Variants in AHCTF1 observed in about 807,000 individuals in gnomAD.
AHCTF1 encodes protein ELYS.
Under a neutral mutation model 248.4 loss-of-function variants are expected in AHCTF1, and 24 were observed. The ratio of observed to expected loss-of-function variants is 0.10; its 90% CI spans 0.07 to 0.14. The LOEUF is 0.14. Ranked by LOEUF, AHCTF1 falls within the 10% of genes least tolerant of loss-of-function variation. The pLI, the probability that AHCTF1 is intolerant of heterozygous loss-of-function variation, is 1.00. For missense variants in AHCTF1, 2,206 were observed against 2,636.2 expected (o/e 0.84, Z 3.57); for synonymous variants, 786 against 929.8 (o/e 0.85, Z 2.81).
chr1:246,899,117 C>CTT, intron 11 of AHCTF1, among the ~76,000 whole-genome samples: 1 of 148,192 alleles, frequency 6.7e-6, no homozygotes. Context: ...TTTCAAAATT[C>CTT]TTTTTTTTTT....
chr1:246,892,649 T>A (rs890416836), intron 14 of AHCTF1, among the ~76,000 whole-genome samples: 1 of 151,842 alleles, frequency 6.6e-6, no homozygotes, highest in Non-Finnish European at 1.5e-5. Flanking sequence ...ATACTTTTTT[T>A]GAGATAGGGT....
At chr1:246,911,713 AC>A (rs1370104364) in intron 4 of AHCTF1, among the ~76,000 whole-genome samples, 1 of 151,990 alleles carries the variant, frequency 6.6e-6, no homozygotes, top group Non-Finnish European at 1.5e-5. Context: ...CAAACTCCCG[AC>A]CTCAAGTGAT....
chr1:246,861,202 T>A lies in AHCTF1; in HGVS notation c.3829A>T (p.Thr1277Ser), dbSNP rs771665956. 1 of 1,613,562 alleles carries A rather than the reference T, an allele frequency of 6.2e-7. No individual in the cohort carries two copies. The highest frequency in any genetic ancestry group is 1.3e-5 in the African/African-American group (1 of 74,932). Residue 1277 changes from threonine to serine, a missense_variant, in exon 29 of 36, where the codon ACA becomes TCA. Physicochemically the swap from Thr to Ser is moderately conservative, Grantham distance 58 (BLOSUM62 1). Transcript: ENST00000648844. The stretch of plus-strand genomic sequence containing the variant: ...TCAGGGCTGTTCAGGAAAAAAGATG[T>A]GGTCCTATCTTTGCTCTTCAGCCAT... The part of the protein sequence containing the change: ...TEWLKSKDRT[T>S]SFFLNSPEKE...
chr1:246,900,514 A>G (rs1246910211), intron 8 of AHCTF1, 45 bp from the exon 9 acceptor site: 1 of 1,551,386 alleles, frequency 6.4e-7, no homozygotes, highest in East Asian at 2.3e-5. Context: ...AAGAATCTCA[A>G]AGTAAAATCA....
chr1:246,931,661 G>C lies in AHCTF1; in HGVS notation c.-91C>G, dbSNP rs999357865. On this transcript the variant is annotated 5_prime_UTR_variant, in exon 1 of 36. Transcript: ENST00000648844. ...GCGCGAGCTCCTCCCGTGCGGGTCCGTCACAGCATCTCCCGGGAGACGTGG... is the reference window on the plus strand; with the variant it reads ...GCGCGAGCTCCTCCCGTGCGGGTCCCTCACAGCATCTCCCGGGAGACGTGG... 6.6e-6 allele frequency: 1 copy of C among 152,622 alleles called. No individual in the cohort carries two copies. Among genetic ancestry groups the C allele is most frequent in the African/African-American group, 2.4e-5 (1 of 41,404 alleles). 9.5% of individuals were successfully genotyped at this position (152,622 alleles called of 1,614,324 possible). A position where few individuals can be genotyped will look rare whatever the true frequency, so the allele number is the denominator to read the frequency against.
In AHCTF1 at chr1:246,877,212, C is replaced by T; in HGVS notation, c.2751G>A (p.Gln917=). The stretch of plus-strand genomic sequence containing the variant: ...GTAAATCTTCCATCAAGCCCATTTC[C>T]TGACAGACTTCATACATGTGCTTCA... ...ELLKHMYEVC[Q]EMGLMEDLLK... The change falls in exon 22 of 36, where the codon CAG becomes CAA. Residue 917 remains glutamine, a synonymous_variant. Transcript: ENST00000648844. 1 of 1,613,480 alleles carries T rather than the reference C, an allele frequency of 6.2e-7. No homozygotes were observed. The highest frequency in any genetic ancestry group is 8.5e-7 in the Non-Finnish European group (1 of 1,179,892).
chr1:246,916,077 C>A, intron 3 of AHCTF1, 65 bp downstream of exon 3: 1 of 1,540,426 alleles, frequency 6.5e-7, no homozygotes. Context: ...AAGTAACACA[C>A]CTATATAACC....
chr1:246,930,428 T>G (rs548590031), intron 1 of AHCTF1, among the ~76,000 whole-genome samples: 1 of 152,184 alleles, frequency 6.6e-6, no homozygotes, highest in Non-Finnish European at 1.5e-5. Flanking sequence ...AGAGACAACG[T>G]AGACTTCCCA....
chr1:246,847,451 G>GAA (rs1660363440), intron 33 of AHCTF1, among the ~76,000 whole-genome samples: 2 of 152,070 alleles, frequency 1.3e-5, no homozygotes, highest in African/African-American at 4.8e-5. Context: ...TGATTCTTTC[G>GAA]ATGGCTGGAT....
chr1:246,875,920 A>T, intron 24 of AHCTF1, 117 bp downstream of exon 24: 1 of 947,640 alleles, frequency 1.1e-6, no homozygotes, highest in Non-Finnish European at 1.5e-6. Flanking sequence ...CAATATCTCC[A>T]AGGCATGCCT....
chr1:246,840,756 C>G lies in AHCTF1; in HGVS notation c.*50G>C, dbSNP rs530145691. 10 of 1,359,164 alleles carry G rather than the reference C, an allele frequency of 7.4e-6. No individual in the cohort carries two copies. Among genetic ancestry groups the G allele is most frequent in the Non-Finnish European group, 8.0e-6 (8 of 996,872 alleles). The allele number at this position is 1,359,164 out of a possible 1,614,324, so 84.2% of individuals were successfully genotyped here. ...CAAACTAGATATTTAATAATCCACA[C>G]TATTCTGATGACTTTACAAATAGGT... On this transcript the variant is annotated 3_prime_UTR_variant, in exon 36 of 36. Transcript: ENST00000648844.
intron 1 of AHCTF1, among the ~76,000 whole-genome samples, chr1:246,930,409 TCA>T (rs1227071723): frequency 6.6e-6 from 1 of 152,122 alleles, no homozygotes; most frequent in Non-Finnish European, 1.5e-5. Context: ...GATCCAAAAA[TCA>T]CAGTACAGAG....
chr1:246,890,203 C>T (rs1664124861), intron 16 of AHCTF1, 144 bp from the exon 17 acceptor site: 1 of 507,038 alleles, frequency 2.0e-6, no homozygotes, highest in East Asian at 3.3e-5. Context: ...TAAAAGATTA[C>T]TACACATCTT....
At chr1:246,886,413 C>T (rs1663823331) in intron 20 of AHCTF1, among the ~76,000 whole-genome samples, 1 of 152,122 alleles carries the variant, frequency 6.6e-6, no homozygotes, top group Non-Finnish European at 1.5e-5. Flanking sequence ...AAACTATTCA[C>T]ACAGCATTTA....
At chr1:246,906,261 T>C (rs1234077283) in intron 5 of AHCTF1, among the ~76,000 whole-genome samples, 1 of 152,114 alleles carries the variant, frequency 6.6e-6, no homozygotes, top group East Asian at 1.9e-4. Flanking sequence ...CAGGTATTTC[T>C]TTAGGAGCAA....
intron 24 of AHCTF1, among the ~76,000 whole-genome samples, chr1:246,868,856 T>G (rs978075290): frequency 3.3e-5 from 5 of 149,992 alleles, no homozygotes; most frequent in African/African-American, 9.8e-5. Flanking sequence ...GTTTTTTTTT[T>G]TTTTTTGAGA....
At chr1:246,926,344 C>T (rs533223102) in intron 1 of AHCTF1, among the ~76,000 whole-genome samples, 28 of 152,308 alleles carry the variant, frequency 1.8e-4, no homozygotes, top group Admixed American at 1.6e-3. Context: ...TAACATTGTG[C>T]TTTACTATAT....
chr1:246,911,813 A>G (rs560891713), intron 4 of AHCTF1, among the ~76,000 whole-genome samples: 1 of 152,230 alleles, frequency 6.6e-6, no homozygotes, highest in South Asian at 2.1e-4. Context: ...AAGTGCATGT[A>G]TGACCATTAT....
At chr1:246,844,668 G>A (rs1660118387) in intron 33 of AHCTF1, among the ~76,000 whole-genome samples, 1 of 152,194 alleles carries the variant, frequency 6.6e-6, no homozygotes. Context: ...AGGCTACAGT[G>A]AGCCATGATT....
Sources: allele counts gnomAD v4.1 joint callset (sites outside exome capture counted in the v4.1 genomes callset), GRCh38; gene constraint gnomAD v4.1.1; transcripts MANE v1.5; gene names NCBI Gene and HGNC (gene_info 2026-07-23, HGNC 2026-07-21).